CSMD1: variants seen among roughly 807,000 people sequenced by gnomAD.
The protein encoded by CSMD1 is CUB and sushi domain-containing protein 1.
In CSMD1, 213 loss-of-function variants were observed where a neutral mutation model predicts 417.5. The ratio of observed to expected loss-of-function variants is 0.51; its 90% CI spans 0.46 to 0.57. CSMD1 has a LOEUF of 0.57. Ranked by LOEUF, CSMD1 falls within the 20% of genes least tolerant of loss-of-function variation. CSMD1 has a pLI of 0.00. For synonymous variants in CSMD1, 2,862 were observed against 1,736.8 expected (o/e 1.65, Z -16.11); for missense variants, 6,923 against 4,529.7 (o/e 1.53, Z -15.17).
chr8:3,911,474 G>A (rs571240142), intron 5 of CSMD1, among the ~76,000 whole-genome samples: 60 of 150,092 alleles, frequency 4.0e-4, no homozygotes, highest in African/African-American at 1.5e-3. Flanking sequence ...CCTGCAGTGA[G>A]CCAAGATTGC....
intron 10 of CSMD1, among the ~76,000 whole-genome samples, chr8:3,522,415 T>C (rs574791810): frequency 6.6e-6 from 1 of 152,312 alleles, no homozygotes; most frequent in African/African-American, 2.4e-5. Flanking sequence ...GTGGGGGTTT[T>C]GTATCTACCA....
intron 49 of CSMD1, among the ~76,000 whole-genome samples, chr8:3,063,772 T>A (rs1377196509): frequency 2.6e-5 from 4 of 151,804 alleles, no homozygotes; most frequent in African/African-American, 9.7e-5. Context: ...GTGCCTAGAG[T>A]AGTTGAATTC....
chr8:3,772,953 C>G (rs1798698307), intron 5 of CSMD1, among the ~76,000 whole-genome samples: 1 of 152,086 alleles, frequency 6.6e-6, no homozygotes, highest in Admixed American at 6.6e-5. Flanking sequence ...TGGAGGTTCA[C>G]TATCAAGGTG....
chr8:4,788,884 C>T (rs554816850), intron 1 of CSMD1, among the ~76,000 whole-genome samples: 1 of 152,338 alleles, frequency 6.6e-6, no homozygotes, highest in African/African-American at 2.4e-5. Context: ...AGGGCAGGCA[C>T]ATGCCCAGTG....
intron 1 of CSMD1, among the ~76,000 whole-genome samples, chr8:4,817,938 A>T (rs569899684): frequency 4.6e-5 from 7 of 152,334 alleles, no homozygotes; most frequent in African/African-American, 1.7e-4. Flanking sequence ...TTATATTTTA[A>T]TCTGTCTACC....
At chr8:4,325,058 C>T (rs140304879) in intron 3 of CSMD1, among the ~76,000 whole-genome samples, 99 of 152,228 alleles carry the variant, frequency 6.5e-4, no homozygotes, top group African/African-American at 2.2e-3. Context: ...CTTGTAGTTA[C>T]GCATCCAGTG....
At chr8:3,563,362 T>C (rs953663817) in intron 10 of CSMD1, among the ~76,000 whole-genome samples, 1 of 145,720 alleles carries the variant, frequency 6.9e-6, no homozygotes, top group African/African-American at 2.6e-5. Flanking sequence ...TACTATTGTA[T>C]TTAAGTACGA....
At chr8:4,853,630 C>A (rs1457334493) in intron 1 of CSMD1, among the ~76,000 whole-genome samples, 8 of 152,172 alleles carry the variant, frequency 5.3e-5, no homozygotes, top group Non-Finnish European at 7.3e-5. Context: ...GGCATTGGAA[C>A]CCCATGGAAT....
At chr8:3,561,860 G>A (rs1799480466) in intron 10 of CSMD1, among the ~76,000 whole-genome samples, 1 of 152,222 alleles carries the variant, frequency 6.6e-6, no homozygotes, top group South Asian at 2.1e-4. Context: ...TGGCCCTCCA[G>A]GAAGGCAGGG....
rs558298330 is a variant in CSMD1, at chr8:4,198,626, G to A, written c.416-166527C>T. ...TAATGAGTCTTTAAGCATATAGATC[G>A]ATGGATAATGTCCCATTATCAACAT... On this transcript the variant is annotated intron_variant, in intron 3 of 69. Coordinates refer to ENST00000635120, the MANE Select transcript of CSMD1 (RefSeq NM_033225.6). Among the ~76,000 whole-genome samples, 49 of 152,198 alleles carry A rather than the reference G, an allele frequency of 3.2e-4. 1 individual carries two copies. The highest frequency in any genetic ancestry group is 1.1e-3 in the Admixed American group (17 of 15,288).
intron 6 of CSMD1, among the ~76,000 whole-genome samples, chr8:3,749,230 T>G (rs1023716428): frequency 6.6e-6 from 1 of 152,218 alleles, no homozygotes; most frequent in Non-Finnish European, 1.5e-5. Flanking sequence ...AATTTTCAGC[T>G]GATTTAAAGA....
At position 3,068,900 on chromosome 8, in the gene CSMD1, CT is replaced by C. The variant is rs147141066; in HGVS notation, c.7475-16254del. Among the ~76,000 whole-genome samples the C allele has an allele frequency of 8.3e-3, 1,263 of 152,176 alleles. 16 individuals carry two copies. Among genetic ancestry groups the C allele is most frequent in the African/African-American group, 0.029 (1,184 of 41,522 alleles). ...ATATCCAAACTATATTATTTCTCCC[CT>C]GACCCCTCCCAATTCTCATATCCTT... On this transcript the variant is annotated intron_variant, in intron 49 of 69. Coordinates refer to ENST00000635120, the MANE Select transcript of CSMD1 (RefSeq NM_033225.6).
intron 39 of CSMD1, among the ~76,000 whole-genome samples, chr8:3,156,040 T>C (rs1479668936): frequency 6.6e-6 from 1 of 152,238 alleles, no homozygotes; most frequent in South Asian, 2.1e-4. Context: ...CAGACAGTAA[T>C]TACCTCGCTT....
chr8:4,103,132 G>C (rs994044209), intron 3 of CSMD1, among the ~76,000 whole-genome samples: 1 of 152,102 alleles, frequency 6.6e-6, no homozygotes, highest in African/African-American at 2.4e-5. Flanking sequence ...CGAGTTAACA[G>C]TTATTTTGCA....
chr8:4,251,174 G>A (rs1411678147), intron 3 of CSMD1, among the ~76,000 whole-genome samples: 1 of 152,062 alleles, frequency 6.6e-6, no homozygotes, highest in Admixed American at 6.6e-5. Context: ...ATGAAGAAAG[G>A]AATATAATAG....
At chr8:4,580,559 G>A (rs567552266) in intron 2 of CSMD1, among the ~76,000 whole-genome samples, 5 of 152,130 alleles carry the variant, frequency 3.3e-5, no homozygotes, top group African/African-American at 7.2e-5. Context: ...CATGTCGGGC[G>A]TCTCATGAGG....
intron 4 of CSMD1, among the ~76,000 whole-genome samples, chr8:4,023,752 AATTTT>A (rs1410394346): frequency 5.5e-5 from 5 of 91,376 alleles, no homozygotes; most frequent in African/African-American, 2.2e-4. Flanking sequence ...ACGCTCGGCT[AATTTT>A]TTTTTTTTTT....
At chr8:2,991,777 C>A (rs1340143148) in intron 54 of CSMD1, among the ~76,000 whole-genome samples, 1 of 152,140 alleles carries the variant, frequency 6.6e-6, no homozygotes, top group Non-Finnish European at 1.5e-5. Context: ...TGGTCTATGG[C>A]TGTATTTCCC....
At chr8:3,616,892 A>G in intron 7 of CSMD1, 95 bp from the exon 8 acceptor site, 1 of 772,436 alleles carries the variant, frequency 1.3e-6, no homozygotes. Context: ...TTCTTTAATG[A>G]TAATGACTTA....
Sources: allele counts gnomAD v4.1 joint callset (sites outside exome capture counted in the v4.1 genomes callset), GRCh38; gene constraint gnomAD v4.1.1; transcripts MANE v1.5; gene names NCBI Gene and HGNC (gene_info 2026-07-23, HGNC 2026-07-21).